SBK3: variants seen among roughly 807,000 people sequenced by gnomAD.
SBK3 encodes the protein uncharacterized serine/threonine-protein kinase SBK3.
Under a neutral mutation model 12.7 loss-of-function variants are expected in SBK3, and 16 were observed. That is an observed-to-expected ratio of 1.26 (90% confidence interval 0.86 to 1.92). SBK3 has a LOEUF of 1.92. Ranked by LOEUF, SBK3 falls within the 40% of genes most tolerant of loss-of-function variation. The pLI, the probability that SBK3 is intolerant of heterozygous loss-of-function variation, is 0.00. For synonymous variants in SBK3, 217 were observed against 213.6 expected (o/e 1.02, Z -0.14); for missense variants, 462 against 481.8 (o/e 0.96, Z 0.38).
At chr19:55,544,391 A>C in intron 2 of SBK3, 89 bp from the exon 3 acceptor site, 5 of 1,059,590 alleles carry the variant, frequency 4.7e-6, no homozygotes, top group Non-Finnish European at 6.7e-6. Context: ...TCTGAGCCTC[A>C]CACTTCTCAT....
Position 55,541,277 on chromosome 19 carries a change from G to T in SBK3, c.649C>A (p.Leu217Met), listed in dbSNP as rs1285417742. Residue 217 changes from leucine (L) to methionine (M), a missense_variant, in exon 4 of 4, where the codon CTG (leucine) becomes ATG (methionine). Coordinates refer to ENST00000612221, the MANE Select transcript of SBK3 (RefSeq NM_001199824.2). This position sits in a 1 kb window ranked among gnomAD's most constrained non-coding sequence, Gnocchi z 5.3. ...ELCLLLPPDT[L>M]PLRPAVDSWG... Reference sequence around the variant, plus strand: ...GAGTCCACGGCTGGCCGCAGAGGCAGGGTGTCGGGCGGTAGCAGGAGACAG... The same window carrying T: ...GAGTCCACGGCTGGCCGCAGAGGCATGGTGTCGGGCGGTAGCAGGAGACAG... 6.5e-7 allele frequency: 1 copy of T among 1,535,764 alleles called. No individual in the cohort carries two copies. The highest frequency in any genetic ancestry group is 2.4e-5 in the East Asian group (1 of 40,926).
At chr19:55,544,078 C>A (rs183897864) in intron 3 of SBK3, 22 bp downstream of exon 3, 9 of 1,452,412 alleles carry the variant, frequency 6.2e-6, no homozygotes, top group South Asian at 1.4e-5. Context: ...GCACTCCCAA[C>A]CTTTGTCCCT....
In SBK3 at chr19:55,541,267, C is replaced by A. The variant is rs766412506; in HGVS notation, c.659G>T (p.Arg220Leu). The A allele has an allele frequency of 3.4e-5, 52 of 1,535,822 alleles. No individual in the cohort carries two copies. Among genetic ancestry groups the A allele is most frequent in the Non-Finnish European group, 4.4e-5 (50 of 1,146,844 alleles). Residue 220 changes from arginine (R) to leucine (L), a missense_variant, in exon 4 of 4, where the codon CGG becomes CTG. Transcript: ENST00000612221. The surrounding 1 kb of genome is among the most constrained non-coding windows in gnomAD (Gnocchi z 5.3). ...LLLPPDTLPL[R>L]PAVDSWGLGV... ...CAGGCCCCAGGAGTCCACGGCTGGC[C>A]GCAGAGGCAGGGTGTCGGGCGGTAG...
At chr19:55,542,838 G>GTCCA (rs1988587783) in intron 3 of SBK3, among the ~76,000 whole-genome samples, 1 of 66,060 alleles carries the variant, frequency 1.5e-5, no homozygotes, top group Non-Finnish European at 3.1e-5. Flanking sequence ...CCATCCATCC[G>GTCCA]TCCATCCACC....
intron 2 of SBK3, 87 bp downstream of exon 2, chr19:55,544,712 T>C: frequency 1.5e-6 from 2 of 1,324,940 alleles, no homozygotes; most frequent in Non-Finnish European, 2.0e-6. Flanking sequence ...CATCAGCTCC[T>C]CCTGGGAATG....
chr19:55,544,605 C>T (rs918644012), intron 2 of SBK3, among the ~76,000 whole-genome samples, 194 bp downstream of exon 2: 6 of 152,276 alleles, frequency 3.9e-5, no homozygotes, highest in Non-Finnish European at 7.4e-5. Flanking sequence ...GCTGTGGGAC[C>T]GTAGGCAGTC....
In SBK3 at chr19:55,540,786, C is replaced by T. The variant is rs1988541672; in HGVS notation, c.*60G>A. ...GCAGCTGTCTCTCCATCCAGGTGGC[C>T]CTGGGGGCTGGGGGAAGGGCCTCTG... On this transcript the variant is annotated 3_prime_UTR_variant, in exon 4 of 4. Transcript: ENST00000612221. 4 of 1,428,832 alleles carry T rather than the reference C, an allele frequency of 2.8e-6. No homozygotes were observed. In the East Asian group the frequency reaches 9.9e-5, roughly 35 times the overall value. 88.5% of individuals were successfully genotyped at this position (1,428,832 alleles called of 1,614,324 possible).
At position 55,541,442 on chromosome 19, in the gene SBK3, C is replaced by T. The variant is rs958774986; in HGVS notation, c.484G>A (p.Ala162Thr). The T allele has an allele frequency of 3.4e-5, 52 of 1,535,684 alleles. No homozygotes were observed. The East Asian group carries it at 3.9e-4, about 12-fold the overall frequency. Residue 162 changes from alanine (A) to threonine (T), a missense_variant, in exon 4 of 4, where the codon GCA (alanine) becomes ACA (threonine). Physicochemically the swap from Ala to Thr is moderately conservative, Grantham distance 58. Coordinates refer to ENST00000612221, the MANE Select transcript of SBK3 (RefSeq NM_001199824.2). The surrounding 1 kb of genome is among the most constrained non-coding windows in gnomAD (Gnocchi z 5.3). Reference protein sequence around the residue: ...DFLHSRGLVHADVKPDNVLVF... With the variant: ...DFLHSRGLVHTDVKPDNVLVF... ...AGCACGTTGTCAGGTTTGACATCTG[C>T]GTGGACCAGCCCCCGGCTGTGGAGG...
Position 55,544,249 on chromosome 19 carries a change from A to C in SBK3, c.250T>G (p.Phe84Val), listed in dbSNP as rs543854877. The change falls in exon 3 of 4, where the codon TTC (phenylalanine) becomes GTC (valine). Residue 84 changes from phenylalanine (F) to valine (V), a missense_variant. Physicochemically the swap from Phe to Val is conservative, Grantham distance 50 (BLOSUM62 -1). Coordinates refer to ENST00000612221, the MANE Select transcript of SBK3 (RefSeq NM_001199824.2). ...CGGCCCACACAGAACTCCCTCAGGA[A>C]GGTGCTTCTCAGGACCAAATCCCGA... Reference protein sequence around the residue: ...LRRDLVLRSTFLREFCVGRCV... With the variant: ...LRRDLVLRSTVLREFCVGRCV... 5.8e-5 allele frequency: 89 copies of C among 1,535,990 alleles called. 2 individuals carry two copies. In the South Asian group the frequency reaches 1.0e-3, roughly 17 times the overall value.
chr19:55,545,511 A>G lies in SBK3; in HGVS notation c.33T>C (p.Asp11=), dbSNP rs1244494765. 6.5e-7 allele frequency: 1 copy of G among 1,528,842 alleles called. No homozygotes were observed. Among genetic ancestry groups the G allele is most frequent in the Non-Finnish European group, 8.7e-7 (1 of 1,143,780 alleles). The allele number at this position is 1,528,842 out of a possible 1,614,324, so 94.7% of individuals were successfully genotyped here. ...TCCCGTCTCTCACCTCTGGGTCCCC[A>G]TCCTCAGGGGTCTCGGAGGCCCTGC... MERRASETPE[D]GDPEEDTATA... is the part of the protein sequence containing the mutation. Residue 11 remains aspartate, a synonymous_variant, in exon 1 of 4, where the codon GAT becomes GAC. Coordinates refer to ENST00000612221, the MANE Select transcript of SBK3 (RefSeq NM_001199824.2). The surrounding 1 kb of genome is among the most constrained non-coding windows in gnomAD (Gnocchi z 4.4).
chr19:55,544,274 A>C lies in SBK3; in HGVS notation c.225T>G (p.Arg75=). 6.5e-7 allele frequency: 1 copy of C among 1,535,964 alleles called. No homozygotes were observed. Among genetic ancestry groups the C allele is most frequent in the South Asian group, 1.2e-5 (1 of 84,062 alleles). ...AGGTGCTTCTCAGGACCAAATCCCGACGCAGGAGCTTCAGAGCCACAGCTG... is the reference window on the plus strand; with the variant it reads ...AGGTGCTTCTCAGGACCAAATCCCGCCGCAGGAGCTTCAGAGCCACAGCTG... ...GGPAVALKLL[R]RDLVLRSTFL... is the part of the protein sequence containing the mutation. The change falls in exon 3 of 4, where the codon CGT becomes CGG. Residue 75 remains arginine (R), a synonymous_variant. Transcript: ENST00000612221.
Position 55,541,311 on chromosome 19 carries a change from C to T in SBK3, c.615G>A (p.Pro205=), listed in dbSNP as rs553191574. 6.4e-5 allele frequency: 99 copies of T among 1,535,238 alleles called. No individual in the cohort carries two copies. The highest frequency in any genetic ancestry group is 5.1e-4 in the African/African-American group (37 of 73,052). The change falls in exon 4 of 4, where the codon CCG becomes CCA. Residue 205 remains proline, a synonymous_variant. Transcript: ENST00000612221. This position sits in a 1 kb window ranked among gnomAD's most constrained non-coding sequence, Gnocchi z 5.3. ...GCGGTAGCAGGAGACAGAGCTCAGG[C>T]GGTGCCGTGGGCAGAGGCACTGGTG... ...PAPPVPLPTA[P]PELCLLLPPD... is the part of the protein sequence containing the mutation.
rs771488521 is a variant in SBK3 at position 55,540,960 on chromosome 19, G to A, written c.966C>T (p.Ser322=). Residue 322 remains serine (S), a synonymous_variant, in exon 4 of 4, where the codon AGC becomes AGT. Coordinates refer to ENST00000612221, the MANE Select transcript of SBK3 (RefSeq NM_001199824.2). ...CCTCCCTGTCCTCATAGGACACGGC[G>A]CTCCCCAAAACCCCAGGTCCCTCTC... ...GNREGPGVLG[S]AVSYEDREEG... 1.5e-4 allele frequency: 224 copies of A among 1,535,650 alleles called. No homozygotes were observed. The highest frequency in any genetic ancestry group is 1.2e-4 in the East Asian group (5 of 40,896).
intron 3 of SBK3, among the ~76,000 whole-genome samples, chr19:55,543,085 C>T (rs1988597806): frequency 7.2e-6 from 1 of 139,364 alleles, no homozygotes; most frequent in South Asian, 2.4e-4. Context: ...ACCCACCAAA[C>T]CTTTCATCCA....
rs1158784884 is a variant in SBK3, at chr19:55,541,170, G to A, written c.756C>T (p.Phe252=). 15 of 1,535,962 alleles carry A rather than the reference G, an allele frequency of 9.8e-6. No homozygotes were observed. The highest frequency in any genetic ancestry group is 3.6e-5 in the South Asian group (3 of 84,050). ...WDVALAPNPE[F]EAFAGWVTTK... ...TGGTCACCCAGCCAGCGAAGGCCTC[G>A]AACTCAGGGTTGGGGGCCAGTGCCA... The change falls in exon 4 of 4, where the codon TTC becomes TTT. Residue 252 remains phenylalanine (F), a synonymous_variant. Coordinates refer to ENST00000612221, the MANE Select transcript of SBK3 (RefSeq NM_001199824.2). The surrounding 1 kb of genome is among the most constrained non-coding windows in gnomAD (Gnocchi z 5.3).
At position 55,544,318 on chromosome 19, in the gene SBK3, G is replaced by A. The variant is rs1455653079; in HGVS notation, c.197-16C>T. On this transcript the variant is annotated splice_polypyrimidine_tract_variant and intron_variant, in intron 2 of 3. Transcript: ENST00000612221. ...ACAGCTGGACCTGCCAGGGAGATGG[G>A]TCGGAGGGACACTCAGGCGGCTCCA... The A allele has an allele frequency of 1.3e-6, 2 of 1,532,370 alleles. No individual in the cohort carries two copies. Among genetic ancestry groups the A allele is most frequent in the Admixed American group, 3.9e-5 (2 of 50,748 alleles). The allele number at this position is 1,532,370 out of a possible 1,614,324, so 94.9% of individuals were successfully genotyped here.
chr19:55,542,750 A>G (rs1988583548), intron 3 of SBK3, among the ~76,000 whole-genome samples: 1 of 141,142 alleles, frequency 7.1e-6, no homozygotes, highest in African/African-American at 2.7e-5. Flanking sequence ...CCATTCACTC[A>G]CCCACAAAAC....
chr19:55,540,719 C>A lies in SBK3; in HGVS notation c.*127G>T, dbSNP rs1003506770. 2 of 833,694 alleles carry A rather than the reference C, an allele frequency of 2.4e-6. No homozygotes were observed. The highest frequency in any genetic ancestry group is 5.3e-5 in the East Asian group (2 of 37,754). The allele number at this position is 833,694 out of a possible 1,614,324, so 51.6% of individuals were successfully genotyped here. A position where few individuals can be genotyped will look rare whatever the true frequency, so the allele number is the denominator to read the frequency against. On this transcript the variant is annotated 3_prime_UTR_variant, in exon 4 of 4. Coordinates refer to ENST00000612221, the MANE Select transcript of SBK3 (RefSeq NM_001199824.2). ...GAATGCGCGTCCAAGCCCAGCGTTC[C>A]GTAGGGAGAGTGCAATGTGTTCCCT...
At position 55,545,164 on chromosome 19, in the gene SBK3, G is replaced by A. The variant is rs1437706773; in HGVS notation, c.46-215C>T. 9.5e-5 allele frequency: 55 copies of A among 578,592 alleles called. No individual in the cohort carries two copies. Among genetic ancestry groups the A allele is most frequent in the Middle Eastern group, 9.1e-4 (2 of 2,200 alleles). The allele number at this position is 578,592 out of a possible 1,614,324, so 35.8% of individuals were successfully genotyped here. The stretch of plus-strand genomic sequence containing the variant: ...TAGGGGTCACTGCCACAGAGGCCCC[G>A]CCTGCCCCTGTCTGTGGGAGCAGGC... On this transcript the variant is annotated intron_variant, in intron 1 of 3. Transcript: ENST00000612221. The surrounding 1 kb of genome is among the most constrained non-coding windows in gnomAD (Gnocchi z 4.4).
Sources: gnomAD v4.1 joint callset for allele counts (sites outside exome capture counted in the v4.1 genomes callset) on GRCh38, gnomAD v4.1.1 for gene constraint, Gnocchi (gnomAD v3.1) non-coding constraint, MANE v1.5 for transcripts, NCBI Gene and HGNC (gene_info 2026-07-23, HGNC 2026-07-21) for gene names.